The following MGAM2 variants were observed in gnomAD, a reference collection of about 807,000 sequenced individuals.
MGAM2 encodes the protein maltase-glucoamylase 2 (putative), also known as probable maltase-glucoamylase 2.
MGAM2 carries 98 observed loss-of-function variants against 96.1 expected under a neutral mutation model. The observed-to-expected ratio is 1.02, with a 90% CI of 0.87 to 1.21. The LOEUF (loss-of-function observed/expected upper bound fraction) is 1.21. Ranked by LOEUF, MGAM2 falls within the 50% of genes most tolerant of loss-of-function variation. The pLI is 0.00. For missense variants in MGAM2, 2,055 were observed against 1,182.4 expected (o/e 1.74, Z -10.82); for synonymous variants, 749 against 414.8 (o/e 1.81, Z -9.79).
intron 45 of MGAM2, among the ~76,000 whole-genome samples, chr7:142,202,098 A>G (rs1797254794): frequency 1.3e-5 from 2 of 152,204 alleles, no homozygotes. Context: ...GTATGATTCT[A>G]TTCATATAAA....
rs547938023 is a variant in MGAM2, at chr7:142,121,238, G to A, written c.186+857G>A. On this transcript the variant is annotated intron_variant, in intron 3 of 47. Coordinates refer to ENST00000477922, the MANE Select transcript of MGAM2 (RefSeq NM_001293626.2). ...TGTCTCCTGGCTGGAGTGCAGTGGCGCGGATCTTGGCTCACTGCAACCTCT... is the reference window on the plus strand; with the variant it reads ...TGTCTCCTGGCTGGAGTGCAGTGGCACGGATCTTGGCTCACTGCAACCTCT... 4.6e-5 allele frequency among the ~76,000 whole-genome samples: 7 copies of A among 151,986 alleles called. No individual in the cohort carries two copies. In the East Asian group the frequency reaches 5.8e-4, roughly 13 times the overall value.
intron 28 of MGAM2, among the ~76,000 whole-genome samples, chr7:142,171,845 T>C (rs1438714515): frequency 6.6e-6 from 1 of 151,404 alleles, no homozygotes; most frequent in Non-Finnish European, 1.5e-5. Flanking sequence ...GACGCAGAAA[T>C]TGTGATAGCA....
In MGAM2 at chr7:142,186,032, G is replaced by A. The variant is rs1290075122; in HGVS notation, c.4031G>A (p.Ser1344Asn). 1 of 704,406 alleles carries A rather than the reference G, an allele frequency of 1.4e-6. No individual in the cohort carries two copies. The highest frequency in any genetic ancestry group is 2.6e-6 in the Non-Finnish European group (1 of 385,080). The allele number at this position is 704,406 out of a possible 1,614,324, so 43.6% of individuals were successfully genotyped here. Residue 1344 changes from serine (S) to asparagine (N), a missense_variant, in exon 35 of 48, where the codon AGC becomes AAC. Coordinates refer to ENST00000477922, the MANE Select transcript of MGAM2 (RefSeq NM_001293626.2). ...GCCTTTCCTGACTTCTTTCGTAATA[G>A]CACAGCTGCGTGGTGGAAGAAAGAG... ...YVAFPDFFRN[S>N]TAAWWKKEIE...
chr7:142,146,142 G>GTTTTT lies in MGAM2; in HGVS notation c.1516+1211_1516+1215dup, dbSNP rs71166565. Among the ~76,000 whole-genome samples the GTTTTT allele has an allele frequency of 3.1e-3, 335 of 108,932 alleles. 1 individual carries two copies. The highest frequency in any genetic ancestry group is 8.1e-3 in the African/African-American group (231 of 28,534). 71.5% of individuals were successfully genotyped at this position (108,932 alleles called of 152,430 possible). ...TTTCCACTCTGGATTAGTTTATCAT[G>GTTTTT]TTTTTTTTTTTTTTTTTTCTTAATT... On this transcript the variant is annotated intron_variant, in intron 14 of 47. Transcript: ENST00000477922.
In MGAM2 at chr7:142,138,526, T is replaced by C. The variant is rs199698468; in HGVS notation, c.961-16T>C. The stretch of plus-strand genomic sequence containing the variant: ...AATGTTATTCTCAAAGCCTACACAC[T>C]TACTTATCTTTTCAGCTTGTTGGAC... On this transcript the variant is annotated splice_polypyrimidine_tract_variant and intron_variant, in intron 9 of 47. Coordinates refer to ENST00000477922, the MANE Select transcript of MGAM2 (RefSeq NM_001293626.2). 4.8e-4 allele frequency: 335 copies of C among 702,154 alleles called. 4 individuals carry two copies. In the East Asian group the frequency reaches 5.9e-3, roughly 12 times the overall value. The allele number at this position is 702,154 out of a possible 1,614,324, so 43.5% of individuals were successfully genotyped here.
At chr7:142,144,607 A>T (rs1795330508) in intron 13 of MGAM2, among the ~76,000 whole-genome samples, 1 of 152,230 alleles carries the variant, frequency 6.6e-6, no homozygotes, top group Non-Finnish European at 1.5e-5. Context: ...GATTGAAATC[A>T]ATTTATAAAA....
At chr7:142,116,477 T>C (rs945338720) in intron 1 of MGAM2, among the ~76,000 whole-genome samples, 4 of 152,250 alleles carry the variant, frequency 2.6e-5, no homozygotes, top group African/African-American at 9.6e-5. Context: ...TCTCTCTCCC[T>C]GAGCATACCT....
chr7:142,187,667 C>T (rs1229708405), intron 35 of MGAM2, 83 bp from the exon 36 acceptor site: 5 of 649,512 alleles, frequency 7.7e-6, no homozygotes, highest in African/African-American at 7.2e-5. Context: ...CTTCAAAAGT[C>T]ATCTCCCTGA....
chr7:142,210,611 A>T (rs1797551682), intron 46 of MGAM2, among the ~76,000 whole-genome samples: 1 of 152,184 alleles, frequency 6.6e-6, no homozygotes, highest in African/African-American at 2.4e-5. Flanking sequence ...AGCTCCACAA[A>T]GCCGCTGTAG....
chr7:142,134,326 A>C (rs1794992225), intron 7 of MGAM2, among the ~76,000 whole-genome samples, 174 bp downstream of exon 7: 1 of 152,122 alleles, frequency 6.6e-6, no homozygotes, highest in Admixed American at 6.6e-5. Flanking sequence ...TATTAAAAAT[A>C]AAAAAAATTA....
At chr7:142,135,364 A>T (rs1206352929) in intron 7 of MGAM2, among the ~76,000 whole-genome samples, 2 of 152,186 alleles carry the variant, frequency 1.3e-5, no homozygotes, top group Non-Finnish European at 2.9e-5. Flanking sequence ...TGACATTCCT[A>T]AATTGTATAG....
chr7:142,154,933 G>A (rs1563264227), intron 17 of MGAM2, 88 bp downstream of exon 17: 1 of 674,758 alleles, frequency 1.5e-6, no homozygotes, highest in Admixed American at 2.1e-5. Flanking sequence ...TAGTACTACA[G>A]GTTGGCACTA....
chr7:142,150,648 A>G (rs761747480), intron 15 of MGAM2, among the ~76,000 whole-genome samples: 1 of 152,296 alleles, frequency 6.6e-6, no homozygotes, highest in Admixed American at 6.5e-5. Flanking sequence ...CCCTGGGTGT[A>G]TTGAACGTAT....
intron 37 of MGAM2, among the ~76,000 whole-genome samples, chr7:142,195,522 A>AT (rs11379518): frequency 0.64 from 89,054 of 138,856 alleles, 28,367 homozygotes; most frequent in Admixed American, 0.68. Context: ...CACCCGGCTA[A>AT]TTTTTTTTTT....
At chr7:142,183,148 T>C (rs1040524532) in intron 32 of MGAM2, 118 bp from the exon 33 acceptor site, 3 of 598,034 alleles carry the variant, frequency 5.0e-6, no homozygotes, top group Non-Finnish European at 8.9e-6. Context: ...TATTTCATTT[T>C]ATTTTTGGTA....
Position 142,111,759 on chromosome 7 carries a change from A to G in MGAM2, c.-49A>G, listed in dbSNP as rs895384013. ...CAGTTACCTTTGCTCAGTGCTCCCT[A>G]TGAATTGCTGAGGGAGAGATACAGC... On this transcript the variant is annotated 5_prime_UTR_variant, in exon 1 of 48. The change abolishes an upstream ATG in the 5' untranslated region. Transcript: ENST00000477922. The G allele has an allele frequency of 1.3e-5, 2 of 152,190 alleles. No homozygotes were observed. Among genetic ancestry groups the G allele is most frequent in the African/African-American group, 4.8e-5 (2 of 41,442 alleles). 9.4% of individuals were successfully genotyped at this position (152,190 alleles called of 1,614,324 possible). A position where few individuals can be genotyped will look rare whatever the true frequency, so the allele number is the denominator to read the frequency against.
intron 23 of MGAM2, among the ~76,000 whole-genome samples, chr7:142,163,164 A>T (rs1795938694): frequency 6.6e-6 from 1 of 152,228 alleles, no homozygotes; most frequent in Admixed American, 6.5e-5. Context: ...GAACCTTTTA[A>T]AAATCACTCA....
chr7:142,133,188 T>C (rs978592734), intron 6 of MGAM2, among the ~76,000 whole-genome samples: 1 of 141,722 alleles, frequency 7.1e-6, no homozygotes, highest in Non-Finnish European at 1.5e-5. Context: ...TTAATATACA[T>C]TAATATATTA....
In MGAM2 at chr7:142,220,200, G is replaced by C; in HGVS notation, c.5689G>C (p.Val1897Leu). 1.4e-6 allele frequency: 1 copy of C among 702,078 alleles called. No individual in the cohort carries two copies. Among genetic ancestry groups the C allele is most frequent in the Non-Finnish European group, 2.6e-6 (1 of 384,780 alleles). 43.5% of individuals were successfully genotyped at this position (702,078 alleles called of 1,614,324 possible). A position where few individuals can be genotyped will look rare whatever the true frequency, so the allele number is the denominator to read the frequency against. ...TACTAATGCTAGCACTAATGCTACTGTTCCTATCACAACCACACCTTTCCC... is the reference window on the plus strand; with the variant it reads ...TACTAATGCTAGCACTAATGCTACTCTTCCTATCACAACCACACCTTTCCC... The part of the protein sequence containing the change: ...STTNASTNAT[V>L]PITTTPFPTS... Residue 1897 changes from valine (V) to leucine (L), a missense_variant, in exon 48 of 48, where the codon GTT becomes CTT. Transcript: ENST00000477922.
Sources: allele counts gnomAD v4.1 joint callset (sites outside exome capture counted in the v4.1 genomes callset), GRCh38; gene constraint gnomAD v4.1.1; transcripts MANE v1.5; gene names NCBI Gene and HGNC (gene_info 2026-07-23, HGNC 2026-07-21).